SIL1: variants seen among roughly 807,000 people sequenced by gnomAD.
SIL1 encodes the protein nucleotide exchange factor SIL1.
A neutral mutation model predicts 49.1 loss-of-function variants in SIL1; 40 were observed. That is an observed-to-expected ratio of 0.81 (90% CI 0.63 to 1.06). The LOEUF is 1.06. SIL1 is among the 50% of genes least tolerant of loss of function. The pLI is 0.00. For synonymous variants in SIL1, 253 were observed against 250.8 expected (o/e 1.01, Z -0.08); for missense variants, 500 against 572.6 (o/e 0.87, Z 1.29).
intron 7 of SIL1, among the ~76,000 whole-genome samples, chr5:138,983,255 T>C (rs1198097341): frequency 3.9e-5 from 5 of 129,828 alleles, no homozygotes; most frequent in African/African-American, 1.4e-4. Flanking sequence ...ACACCTGTCA[T>C]CCCAGCACTT....
At chr5:138,964,654 G>A (rs1020169699) in intron 7 of SIL1, among the ~76,000 whole-genome samples, 2 of 152,168 alleles carry the variant, frequency 1.3e-5, no homozygotes, top group African/African-American at 2.4e-5. Flanking sequence ...ATGTCAAAAC[G>A]TAAATGGTTT....
intron 1 of SIL1, among the ~76,000 whole-genome samples, chr5:139,165,388 G>C (rs1382277908): frequency 6.6e-6 from 1 of 152,066 alleles, no homozygotes; most frequent in Non-Finnish European, 1.5e-5. Context: ...CATTCTTGTT[G>C]CCCAAGCTGG....
At chr5:138,950,784 C>A (rs780704245) in intron 9 of SIL1, among the ~76,000 whole-genome samples, 1 of 152,222 alleles carries the variant, frequency 6.6e-6, no homozygotes, top group Admixed American at 6.5e-5. Context: ...GGCACCTCCA[C>A]GTTTCTAGAA....
At chr5:138,960,592 C>G (rs888458305) in intron 7 of SIL1, among the ~76,000 whole-genome samples, 3 of 151,876 alleles carry the variant, frequency 2.0e-5, no homozygotes, top group African/African-American at 7.3e-5. Context: ...CACTAACCAC[C>G]ATGCCCAGTT....
chr5:138,995,939 CT>C (rs1334242833), intron 7 of SIL1, among the ~76,000 whole-genome samples: 7 of 152,198 alleles, frequency 4.6e-5, no homozygotes, highest in Admixed American at 6.5e-5. Context: ...CATTAATCCA[CT>C]GATGGGCATT....
At chr5:139,127,884 CA>C in intron 1 of SIL1, 31 bp from the exon 2 acceptor site, 2 of 1,381,256 alleles carry the variant, frequency 1.4e-6, no homozygotes, top group South Asian at 2.5e-5. Flanking sequence ...AACAGAAGGT[CA>C]ATGAAAAGCT....
At chr5:139,054,749 G>A (rs1037693383) in intron 3 of SIL1, among the ~76,000 whole-genome samples, 1 of 152,134 alleles carries the variant, frequency 6.6e-6, no homozygotes, top group Non-Finnish European at 1.5e-5. Context: ...TAGTTATTTT[G>A]ATGAAAATTC....
chr5:139,090,988 T>C (rs1180021955), intron 3 of SIL1, among the ~76,000 whole-genome samples: 2 of 152,188 alleles, frequency 1.3e-5, no homozygotes, highest in Non-Finnish European at 2.9e-5. Context: ...CCATGTCTTA[T>C]GCCTACATGT....
intron 7 of SIL1, among the ~76,000 whole-genome samples, chr5:138,992,310 A>G (rs1463718349): frequency 6.6e-6 from 1 of 152,224 alleles, no homozygotes; most frequent in Non-Finnish European, 1.5e-5. Context: ...CTAGCTCTTC[A>G]AACTATAGAA....
intron 1 of SIL1, among the ~76,000 whole-genome samples, chr5:139,187,118 A>C (rs1216944247): frequency 6.6e-6 from 1 of 152,212 alleles, no homozygotes; most frequent in African/African-American, 2.4e-5. Context: ...GACAAACATC[A>C]TACCATAATA....
chr5:139,175,588 T>C (rs1429766650), intron 1 of SIL1, among the ~76,000 whole-genome samples: 1 of 152,208 alleles, frequency 6.6e-6, no homozygotes. Context: ...TTCCAAAACA[T>C]TGAAGAGGAA....
intron 1 of SIL1, among the ~76,000 whole-genome samples, chr5:139,181,400 C>A (rs781273672): frequency 2.6e-5 from 4 of 152,202 alleles, no homozygotes; most frequent in Non-Finnish European, 5.9e-5. Context: ...TTGTTGAAAA[C>A]CCCCGCAGGG....
intron 3 of SIL1, among the ~76,000 whole-genome samples, chr5:139,079,615 AACTT>A (rs1770030668): frequency 6.6e-6 from 1 of 152,242 alleles, no homozygotes; most frequent in Admixed American, 6.5e-5. Context: ...GATAGAAAAT[AACTT>A]ACTAACAAAG....
intron 6 of SIL1, among the ~76,000 whole-genome samples, chr5:139,026,570 T>G (rs772614239): frequency 6.6e-6 from 1 of 152,154 alleles, no homozygotes; most frequent in Non-Finnish European, 1.5e-5. Context: ...GCCACTGCAC[T>G]CCAGGCTGGG....
chr5:139,045,590 C>A (rs778661941), intron 4 of SIL1, among the ~76,000 whole-genome samples: 20 of 152,144 alleles, frequency 1.3e-4, no homozygotes, highest in Admixed American at 7.9e-4. Context: ...CCCAACCTCT[C>A]CCCTGAGCAC....
intron 7 of SIL1, among the ~76,000 whole-genome samples, chr5:138,991,120 T>C (rs900158605): frequency 4.6e-5 from 7 of 152,212 alleles, no homozygotes; most frequent in South Asian, 2.1e-4. Context: ...CATCCTGCAA[T>C]TGCCAGTCAG....
At chr5:139,176,310 G>A (rs565097242) in intron 1 of SIL1, among the ~76,000 whole-genome samples, 3 of 152,174 alleles carry the variant, frequency 2.0e-5, no homozygotes, top group South Asian at 2.1e-4. Flanking sequence ...CTAAGAAAAC[G>A]GAGGCTTTCT....
intron 3 of SIL1, among the ~76,000 whole-genome samples, chr5:139,057,314 T>TAAAAAAAAAAAAAAAA (rs67544778): frequency 1.4e-5 from 1 of 73,390 alleles, no homozygotes; most frequent in Non-Finnish European, 2.8e-5. Flanking sequence ...GAATGATCAA[T>TAAAAAAAAAAAAAAAA]AAAAAAAAAA....
intron 5 of SIL1, among the ~76,000 whole-genome samples, chr5:139,028,192 A>G (rs1211281730): frequency 6.6e-6 from 1 of 151,440 alleles, no homozygotes; most frequent in Admixed American, 6.6e-5. Context: ...GCTCTCAAGA[A>G]GGCCTCAAAA....
Sources: allele counts gnomAD v4.1 joint callset (sites outside exome capture counted in the v4.1 genomes callset), GRCh38; gene constraint gnomAD v4.1.1; transcripts MANE v1.5; gene names NCBI Gene and HGNC (gene_info 2026-07-23, HGNC 2026-07-21).